Variants in NPAS3 observed in about 807,000 individuals in gnomAD.
The protein encoded by NPAS3 is neuronal PAS domain-containing protein 3.
NPAS3 carries 14 observed loss-of-function variants against 73.1 expected under a neutral mutation model. The ratio of observed to expected loss-of-function variants is 0.19; its 90% confidence interval spans 0.13 to 0.30. The LOEUF is 0.30. NPAS3 is among the 10% of genes least tolerant of loss of function. The probability of loss-of-function intolerance (pLI) is 1.00; values close to 1 mark genes in which losing one functional copy is unlikely to be tolerated. For synonymous variants in NPAS3, 620 were observed against 541.5 expected, an observed-to-expected ratio of 1.14 and a Z score of -2.01; for missense variants, 1,096 against 1,250.0, an observed-to-expected ratio of 0.88 and a Z score of 1.86.
chr14:33,584,319 T>C (rs2056784144), intron 5 of NPAS3, among the ~76,000 whole-genome samples: 1 of 152,024 alleles, frequency 6.6e-6, no homozygotes, highest in South Asian at 2.1e-4. Flanking sequence ...TAAGAAACAT[T>C]GTATGCAGCT....
chr14:33,571,086 C>T (rs2056189577), intron 5 of NPAS3, among the ~76,000 whole-genome samples: 1 of 152,136 alleles, frequency 6.6e-6, no homozygotes, highest in Non-Finnish European at 1.5e-5. Context: ...TTAAGACACT[C>T]CGTTGGTGGT....
At chr14:33,724,580 C>G (rs1300728000) in intron 6 of NPAS3, among the ~76,000 whole-genome samples, 2 of 152,124 alleles carry the variant, frequency 1.3e-5, no homozygotes, top group African/African-American at 4.8e-5. Context: ...CTACAGCTAG[C>G]TGTGATTGTA....
intron 2 of NPAS3, among the ~76,000 whole-genome samples, chr14:33,112,470 T>C (rs1566572443): frequency 6.6e-6 from 1 of 152,222 alleles, no homozygotes; most frequent in African/African-American, 2.4e-5. Context: ...GATGTCTTCT[T>C]TTGAGAAGTG....
chr14:33,656,594 G>A (rs2059151762), intron 5 of NPAS3, among the ~76,000 whole-genome samples: 1 of 152,132 alleles, frequency 6.6e-6, no homozygotes, highest in Non-Finnish European at 1.5e-5. Flanking sequence ...TTGAAATTGT[G>A]TGTATTTGAG....
At chr14:33,716,663 A>G (rs2060964940) in intron 6 of NPAS3, among the ~76,000 whole-genome samples, 1 of 151,922 alleles carries the variant, frequency 6.6e-6, no homozygotes, top group Non-Finnish European at 1.5e-5. Context: ...TCTTTATTCT[A>G]CTTTCTTCCC....
At chr14:33,298,243 A>G (rs2042385731) in intron 3 of NPAS3, among the ~76,000 whole-genome samples, 1 of 152,154 alleles carries the variant, frequency 6.6e-6, no homozygotes, top group Admixed American at 6.5e-5. Flanking sequence ...AGATCGTACC[A>G]CCGCGCTCCA....
At chr14:32,995,607 T>C (rs2038535550) in intron 1 of NPAS3, among the ~76,000 whole-genome samples, 1 of 152,234 alleles carries the variant, frequency 6.6e-6, no homozygotes, top group Non-Finnish European at 1.5e-5. Flanking sequence ...GTCTTTGCCA[T>C]GCTGTTCTTG....
At chr14:33,017,808 G>C (rs1030246253) in intron 1 of NPAS3, among the ~76,000 whole-genome samples, 2 of 152,134 alleles carry the variant, frequency 1.3e-5, no homozygotes, top group Non-Finnish European at 2.9e-5. Context: ...AAAAAACTAA[G>C]CCTTAGAGAG....
intron 4 of NPAS3, among the ~76,000 whole-genome samples, chr14:33,429,407 T>C (rs1240556681): frequency 6.6e-6 from 1 of 152,084 alleles, no homozygotes; most frequent in East Asian, 1.9e-4. Flanking sequence ...ACTTGTACTG[T>C]AGAGACCAAG....
intron 3 of NPAS3, among the ~76,000 whole-genome samples, chr14:33,281,085 A>T (rs1594587789): frequency 6.6e-6 from 1 of 152,330 alleles, no homozygotes; most frequent in East Asian, 1.9e-4. Flanking sequence ...TTCTTACGGT[A>T]GTGAAGCTGG....
intron 3 of NPAS3, among the ~76,000 whole-genome samples, chr14:33,360,222 T>C (rs2045533266): frequency 6.6e-6 from 1 of 152,220 alleles, no homozygotes; most frequent in Non-Finnish European, 1.5e-5. Flanking sequence ...TTCTCTCTTC[T>C]TGATCTGTTC....
chr14:33,203,724 G>T (rs890738806), intron 2 of NPAS3, among the ~76,000 whole-genome samples: 3 of 152,166 alleles, frequency 2.0e-5, no homozygotes, highest in South Asian at 2.1e-4. Flanking sequence ...TTCTGTCATT[G>T]TTGGACATTT....
intron 2 of NPAS3, among the ~76,000 whole-genome samples, chr14:33,191,909 A>G (rs1346271866): frequency 6.6e-6 from 1 of 152,250 alleles, no homozygotes; most frequent in Non-Finnish European, 1.5e-5. Flanking sequence ...TAGGTCCCCA[A>G]ATCAAATCTT....
At chr14:32,944,298 G>C (rs993321602) in intron 1 of NPAS3, among the ~76,000 whole-genome samples, 1 of 152,044 alleles carries the variant, frequency 6.6e-6, no homozygotes, top group African/African-American at 2.4e-5. Flanking sequence ...CATTGTATTT[G>C]GGCTACAGTC....
upstream of NPAS3, chr14:32,939,239 A>AC (rs1159150079): frequency 6.6e-6 from 3 of 451,580 alleles, no homozygotes; most frequent in Non-Finnish European, 1.3e-5. Context: ...GCACACGCAC[A>AC]CCCCCGCCCG....
At chr14:33,362,699 G>T (rs190951821) in intron 3 of NPAS3, among the ~76,000 whole-genome samples, 14 of 152,210 alleles carry the variant, frequency 9.2e-5, no homozygotes, top group Admixed American at 3.9e-4. Flanking sequence ...CATGAAGCCT[G>T]CCTTTTTGCC....
chr14:33,048,307 G>A (rs2040580729), intron 1 of NPAS3, among the ~76,000 whole-genome samples: 1 of 152,176 alleles, frequency 6.6e-6, no homozygotes, highest in African/African-American at 2.4e-5. Context: ...TTTAGTGCTG[G>A]GGCCTACTTT....
At chr14:33,607,584 G>T (rs529685664) in intron 5 of NPAS3, among the ~76,000 whole-genome samples, 1 of 152,166 alleles carries the variant, frequency 6.6e-6, no homozygotes, top group Non-Finnish European at 1.5e-5. Flanking sequence ...TTCATTGTTT[G>T]TGATTGTATA....
At chr14:33,268,477 C>A (rs563086121) in intron 3 of NPAS3, among the ~76,000 whole-genome samples, 3 of 152,252 alleles carry the variant, frequency 2.0e-5, no homozygotes, top group Admixed American at 2.0e-4. Context: ...CATTGCCATA[C>A]AATTGGCCTT....
Sources: allele counts gnomAD v4.1 joint callset (sites outside exome capture counted in the v4.1 genomes callset), GRCh38; gene constraint gnomAD v4.1.1; transcripts MANE v1.5; gene names NCBI Gene and HGNC (gene_info 2026-07-23, HGNC 2026-07-21).